PCSK6: variants seen among roughly 807,000 people sequenced by gnomAD.
The protein encoded by PCSK6 is paired basic amino acid cleaving enzyme 4.
Under a neutral mutation model 123.3 loss-of-function variants are expected in PCSK6, and 85 were observed. That is an observed-to-expected ratio of 0.69 (90% CI 0.58 to 0.83). The LOEUF is 0.83. Ranked by LOEUF, PCSK6 falls within the 40% of genes least tolerant of loss-of-function variation. The probability of loss-of-function intolerance (pLI) is 0.00; values close to 1 mark genes in which losing one functional copy is unlikely to be tolerated. For missense variants in PCSK6, 1,191 were observed against 1,282.3 expected (o/e 0.93, Z 1.09); for synonymous variants, 508 against 516.0 (o/e 0.98, Z 0.21).
intron 6 of PCSK6, among the ~76,000 whole-genome samples, chr15:101,403,801 C>T (rs2042684302): frequency 6.6e-6 from 1 of 152,152 alleles, no homozygotes. Flanking sequence ...CTCACTGCAA[C>T]CTCCGCCTCC....
intron 8 of PCSK6, 25 bp downstream of exon 8, chr15:101,393,187 A>T (rs1170554070): frequency 1.3e-6 from 2 of 1,567,386 alleles, no homozygotes; most frequent in Non-Finnish European, 8.8e-7. Context: ...CACTGTAAGC[A>T]CTCCAACTTG....
At chr15:101,433,944 C>T (rs1039048143) in intron 2 of PCSK6, among the ~76,000 whole-genome samples, 2 of 150,934 alleles carry the variant, frequency 1.3e-5, no homozygotes, top group South Asian at 2.1e-4. Context: ...GCAGACCAGA[C>T]GCCTTAGAAA....
intron 6 of PCSK6, among the ~76,000 whole-genome samples, chr15:101,424,341 C>T (rs2056184211): frequency 6.6e-6 from 1 of 151,202 alleles, no homozygotes; most frequent in Non-Finnish European, 1.5e-5. Flanking sequence ...CAATGGATAC[C>T]AGAAGACAAC....
chr15:101,437,794 A>G (rs2056644509), intron 2 of PCSK6, among the ~76,000 whole-genome samples: 1 of 151,938 alleles, frequency 6.6e-6, no homozygotes, highest in African/African-American at 2.4e-5. Context: ...ACCTCCACTC[A>G]CTGACAACAG....
At chr15:101,448,787 C>T (rs2141168362) in intron 1 of PCSK6, among the ~76,000 whole-genome samples, 1 of 152,358 alleles carries the variant, frequency 6.6e-6, no homozygotes, top group South Asian at 2.1e-4. Flanking sequence ...TGGGGAATTT[C>T]AGGCACCTTG....
intron 6 of PCSK6, among the ~76,000 whole-genome samples, chr15:101,409,328 G>A (rs28429394): frequency 0.26 from 39,014 of 148,530 alleles, 5,510 homozygotes; most frequent in African/African-American, 0.36. Context: ...GCTCACGCCT[G>A]TAATCCCAGC....
intron 19 of PCSK6, among the ~76,000 whole-genome samples, chr15:101,318,031 C>T (rs894305813): frequency 3.3e-5 from 5 of 152,174 alleles, no homozygotes; most frequent in Non-Finnish European, 7.3e-5. Flanking sequence ...TTTAAGTACA[C>T]AGTTCAGCAG....
chr15:101,305,474 G>A lies in PCSK6; in HGVS notation c.2813-119C>T, dbSNP rs1172525649. The A allele has an allele frequency of 9.5e-6, 7 of 740,086 alleles. No individual in the cohort carries two copies. The highest frequency in any genetic ancestry group is 1.4e-5 in the Non-Finnish European group (6 of 433,498). The allele number at this position is 740,086 out of a possible 1,614,324, so 45.8% of individuals were successfully genotyped here. A position where few individuals can be genotyped will look rare whatever the true frequency, so the allele number is the denominator to read the frequency against. On this transcript the variant is annotated intron_variant, in intron 21 of 21. Coordinates refer to ENST00000611716, the MANE Select transcript of PCSK6 (RefSeq NM_002570.5). The surrounding 1 kb of genome is among the most constrained non-coding windows in gnomAD (Gnocchi z 4.8). The stretch of plus-strand genomic sequence containing the variant: ...TGTAATCCCAGCACTTTGGGAGGCC[G>A]AGGTGGGTGGATCACCTGAGGTCAG...
At chr15:101,444,884 C>T (rs28432120) in intron 1 of PCSK6, among the ~76,000 whole-genome samples, 4,333 of 152,232 alleles carry the variant, frequency 0.028, 192 homozygotes, top group African/African-American at 0.099. Context: ...ATTTTCATAT[C>T]TTTACACAAG....
intron 11 of PCSK6, among the ~76,000 whole-genome samples, chr15:101,376,764 A>G (rs2041756292): frequency 6.6e-6 from 1 of 152,246 alleles, no homozygotes; most frequent in African/African-American, 2.4e-5. Context: ...CGCAGCTACA[A>G]GGGGTAGCAG....
chr15:101,307,077 G>T lies in PCSK6; in HGVS notation c.2812+136C>A, dbSNP rs924416520. The T allele has an allele frequency of 1.7e-5, 11 of 652,146 alleles. No homozygotes were observed. The African/African-American group carries it at 2.0e-4, about 12-fold the overall frequency. The allele number at this position is 652,146 out of a possible 1,614,324, so 40.4% of individuals were successfully genotyped here. On this transcript the variant is annotated intron_variant, in intron 21 of 21. Transcript: ENST00000611716. The stretch of plus-strand genomic sequence containing the variant: ...ATATCAGCTAGAGGAATCCCAGACA[G>T]TCAATCGGATCAGGGGCACGAACGC...
intron 1 of PCSK6, among the ~76,000 whole-genome samples, chr15:101,452,921 G>C (rs2057073783): frequency 1.3e-5 from 2 of 152,208 alleles, no homozygotes; most frequent in African/African-American, 4.8e-5. Flanking sequence ...GGGGTCACCA[G>C]GTTCTCTGCG....
At chr15:101,426,539 C>T (rs564949840) in intron 6 of PCSK6, among the ~76,000 whole-genome samples, 9 of 152,316 alleles carry the variant, frequency 5.9e-5, no homozygotes, top group Non-Finnish European at 1.3e-4. Flanking sequence ...CTGCAGAACG[C>T]GCCCTTGGGG....
At chr15:101,336,109 A>C (rs748621615) in intron 13 of PCSK6, among the ~76,000 whole-genome samples, 5 of 152,258 alleles carry the variant, frequency 3.3e-5, no homozygotes, top group Non-Finnish European at 5.9e-5. Flanking sequence ...ATCCTTGGTC[A>C]CATAGGGAGC....
chr15:101,459,214 C>A (rs184966798), intron 1 of PCSK6, among the ~76,000 whole-genome samples: 1 of 152,198 alleles, frequency 6.6e-6, no homozygotes, highest in African/African-American at 2.4e-5. Flanking sequence ...CTTCCTCACA[C>A]ACCCTTGGCT....
intron 8 of PCSK6, among the ~76,000 whole-genome samples, chr15:101,391,819 A>G (rs1009026475): frequency 3.3e-5 from 5 of 152,218 alleles, no homozygotes; most frequent in Admixed American, 2.6e-4. Flanking sequence ...CTGTCAGAGC[A>G]GACTTCCCGG....
chr15:101,474,361 CCT>C (rs1222426342), intron 1 of PCSK6, among the ~76,000 whole-genome samples: 1 of 152,216 alleles, frequency 6.6e-6, no homozygotes, highest in Non-Finnish European at 1.5e-5. Flanking sequence ...AAACCACAGG[CCT>C]CTGCTGTGAC....
chr15:101,464,024 T>TGAGGAAGAAGTGTCC (rs2057398634), intron 1 of PCSK6, among the ~76,000 whole-genome samples: 1 of 152,006 alleles, frequency 6.6e-6, no homozygotes, highest in African/African-American at 2.4e-5. Flanking sequence ...TTTAGGAAGG[T>TGAGGAAGAAGTGTCC]GAGGAAGAAG....
In PCSK6 at chr15:101,489,491, G is replaced by A. The variant is rs1326435881; in HGVS notation, c.180C>T (p.Ala60=). The change falls in exon 1 of 22, where the codon GCC becomes GCT. Residue 60 remains alanine, a synonymous_variant. Transcript: ENST00000611716. ...CGGGGCGCGGCGGGGGCGCGGAGCA[G>A]GCGGCAGGCAGCGCCAGCAGCAGCA... ...RWLLLLALPA[A]CSAPPPRPVY... 1.9e-6 allele frequency: 2 copies of A among 1,070,176 alleles called. No individual in the cohort carries two copies. Among genetic ancestry groups the A allele is most frequent in the Non-Finnish European group, 2.3e-6 (2 of 885,932 alleles). 66.3% of individuals were successfully genotyped at this position (1,070,176 alleles called of 1,614,324 possible).
Sources: allele counts gnomAD v4.1 joint callset (sites outside exome capture counted in the v4.1 genomes callset), GRCh38; gene constraint gnomAD v4.1.1; non-coding constraint Gnocchi (gnomAD v3.1); transcripts MANE v1.5; gene names NCBI Gene and HGNC (gene_info 2026-07-23, HGNC 2026-07-21).